Variants in HMCN2 observed in about 807,000 individuals in gnomAD.
HMCN2 encodes hemicentin 2.
HMCN2 carries 325 observed loss-of-function variants against 377.5 expected under a neutral mutation model. That is an observed-to-expected ratio of 0.86 (90% CI 0.79 to 0.94). The LOEUF is 0.94. Among genes scored for constraint, HMCN2 ranks in the 40% least tolerant of loss-of-function variants. The pLI is 0.00. For synonymous variants in HMCN2, 2,007 were observed against 2,046.8 expected (o/e 0.98, Z 0.53); for missense variants, 4,543 against 4,725.3 (o/e 0.96, Z 1.13).
At chr9:130,328,111 G>A (rs1218469298) in intron 22 of HMCN2, among the ~76,000 whole-genome samples, 2 of 152,196 alleles carry the variant, frequency 1.3e-5, no homozygotes, top group African/African-American at 2.4e-5. Context: ...AGACTCAGAA[G>A]GTCTCGGAGC....
chr9:130,425,045 T>A lies in HMCN2; in HGVS notation c.13556T>A (p.Leu4519Gln), dbSNP rs1438684140. 3 of 1,549,742 alleles carry A rather than the reference T, an allele frequency of 1.9e-6. No individual in the cohort carries two copies. The highest frequency in any genetic ancestry group is 2.6e-6 in the Non-Finnish European group (3 of 1,146,582). The change falls in exon 89 of 98, where the codon CTG becomes CAG. Residue 4519 changes from leucine (L) to glutamine (Q), a missense_variant. Leu to Gln is a moderately radical substitution (Grantham distance 113). This residue lies in a region of HMCN2 where 1,155 missense variants were observed against 1,157.7 expected (regional missense o/e 1.00). Transcript: ENST00000683500. ...ACGATGACCCAGGTGGCCCGGGGTC[T>A]GGATCCCGATGGCCTCCTGCTCCTC... Reference protein sequence around the residue: ...LLTMTQVARGLDPDGLLLLDV... With the variant: ...LLTMTQVARGQDPDGLLLLDV...
rs1362749542 is a variant in HMCN2 at position 130,325,860 on chromosome 9, AG to A, written c.3086del (p.Gly1029AlafsTer43). On this transcript the variant is annotated frameshift_variant, in exon 21 of 98. Transcript: ENST00000683500. LOFTEE classifies it high-confidence loss of function. ...SRGPHYNVSK[E>X]GTLLIAQPSA... ...GGTCCCCACTACAATGTGAGTAAGG[AG>A]GGCACCCTGCTCATCGCCCAGCCGT... 6.6e-6 allele frequency: 1 copy of A among 152,298 alleles called. No individual in the cohort carries two copies. The highest frequency in any genetic ancestry group is 2.4e-5 in the African/African-American group (1 of 41,472). The allele number at this position is 152,298 out of a possible 1,614,324, so 9.4% of individuals were successfully genotyped here.
rs61742704 is a variant in HMCN2, at chr9:130,406,133, G to A, written c.12518G>A (p.Arg4173His). ...RCAARGSPTP[R>H]IGWTVNDRPV... ...GCAGCCCGGGGCAGCCCCACCCCTC[G>A]CATTGGCTGGACTGTCAACGACCGG... The change falls in exon 82 of 98, where the codon CGC becomes CAC. Residue 4173 changes from arginine (R) to histidine (H), a missense_variant. Transcript: ENST00000683500. The A allele has an allele frequency of 1.1e-3, 1,423 of 1,289,834 alleles. 7 individuals carry two copies. In the African/African-American group the frequency reaches 0.019, roughly 18 times the overall value. The allele number at this position is 1,289,834 out of a possible 1,614,324, so 79.9% of individuals were successfully genotyped here. A position where few individuals can be genotyped will look rare whatever the true frequency, so the allele number is the denominator to read the frequency against.
chr9:130,383,601 G>A lies in HMCN2; in HGVS notation c.8830+1G>A, dbSNP rs540238309. 1.6e-4 allele frequency: 158 copies of A among 985,888 alleles called. No homozygotes were observed. The highest frequency in any genetic ancestry group is 1.8e-4 in the Non-Finnish European group (149 of 829,972). The allele number at this position is 985,888 out of a possible 1,614,324, so 61.1% of individuals were successfully genotyped here. On this transcript the variant is annotated splice_donor_variant, in intron 57 of 97. Transcript: ENST00000683500. LOFTEE classifies it high-confidence loss of function. ...AAGCTCTTCACCCTCAGGGTTCAAGGTGAGCTGGGCTGAGCAGGCAGCCCC... is the reference window on the plus strand; with the variant it reads ...AAGCTCTTCACCCTCAGGGTTCAAGATGAGCTGGGCTGAGCAGGCAGCCCC...
At chr9:130,315,774 G>T (rs1588230300) in intron 15 of HMCN2, among the ~76,000 whole-genome samples, 3 of 152,132 alleles carry the variant, frequency 2.0e-5, no homozygotes, top group Admixed American at 2.0e-4. Context: ...TTCCTGGCTG[G>T]CAGCCTCTGC....
At chr9:130,339,744 C>G (rs989982550) in intron 23 of HMCN2, among the ~76,000 whole-genome samples, 3 of 152,360 alleles carry the variant, frequency 2.0e-5, no homozygotes, top group East Asian at 1.9e-4. Flanking sequence ...CATCCACGCT[C>G]TCTGTGCTCC....
At chr9:130,333,024 TG>T (rs1352385836) in intron 22 of HMCN2, among the ~76,000 whole-genome samples, 1 of 145,440 alleles carries the variant, frequency 6.9e-6, no homozygotes, top group African/African-American at 2.6e-5. Flanking sequence ...GTGGAAGGTC[TG>T]GGGGGAGGGA....
chr9:130,395,859 C>T, intron 71 of HMCN2, 65 bp from the exon 72 acceptor site: 2 of 1,234,500 alleles, frequency 1.6e-6, no homozygotes, highest in Non-Finnish European at 2.1e-6. Flanking sequence ...TCCACATCTG[C>T]TGCCGGGTGG....
At chr9:130,383,684 C>A in intron 57 of HMCN2, 84 bp downstream of exon 57, 1 of 562,134 alleles carries the variant, frequency 1.8e-6, no homozygotes, top group Non-Finnish European at 2.3e-6. Context: ...GTATCCTGGG[C>A]TCTGGGTCCT....
intron 15 of HMCN2, 106 bp from the exon 16 acceptor site, chr9:130,319,389 T>C (rs1837729250): frequency 1.3e-5 from 2 of 152,230 alleles, no homozygotes; most frequent in Non-Finnish European, 2.9e-5. Context: ...AGCCCTAGGT[T>C]CACAAGGGCA....
Position 130,418,940 on chromosome 9 carries a change from T to C in HMCN2, c.13130T>C (p.Leu4377Pro). 1 of 1,541,536 alleles carries C rather than the reference T, an allele frequency of 6.5e-7. No homozygotes were observed. The highest frequency in any genetic ancestry group is 8.8e-7 in the Non-Finnish European group (1 of 1,142,256). The change falls in exon 86 of 98, where the codon CTG becomes CCG. Residue 4377 changes from leucine to proline, a missense_variant. Leu to Pro is a moderately conservative substitution (Grantham distance 98, BLOSUM62 -3). Transcript: ENST00000683500. ...RRLRTLPDGS[L>P]WLENVETGDA... Reference sequence around the variant, plus strand: ...CTCCGGACCCTGCCCGATGGGAGCCTGTGGCTGGAGAACGTGGAGACTGGG... The same window carrying C: ...CTCCGGACCCTGCCCGATGGGAGCCCGTGGCTGGAGAACGTGGAGACTGGG...
chr9:130,353,306 A>G, intron 31 of HMCN2, 101 bp downstream of exon 31: 6 of 1,091,778 alleles, frequency 5.5e-6, no homozygotes, highest in Non-Finnish European at 7.3e-6. Context: ...GGCCACTTGG[A>G]GTGGTCAGAG....
intron 4 of HMCN2, among the ~76,000 whole-genome samples, chr9:130,291,024 A>G (rs746716952): frequency 5.9e-5 from 9 of 152,148 alleles, no homozygotes; most frequent in Non-Finnish European, 1.3e-4. Flanking sequence ...TTTAAAACCC[A>G]TATTCATGGC....
chr9:130,359,788 G>C (rs933319613), intron 37 of HMCN2, among the ~76,000 whole-genome samples: 3 of 152,174 alleles, frequency 2.0e-5, no homozygotes, highest in Non-Finnish European at 2.9e-5. Context: ...TTGCATAGGG[G>C]ACTGGGTGAG....
At position 130,356,176 on chromosome 9, in the gene HMCN2, C is replaced by T; in HGVS notation, c.5344C>T (p.Leu1782=). ...CACACTGCACATTGACCATGTGGAG[C>T]TGGACCACTCAGGCCTCTTCGCCTG... The part of the protein sequence containing the change: ...GTTLHIDHVE[L]DHSGLFACQA... The change falls in exon 34 of 98, where the codon CTG becomes TTG. Residue 1782 remains leucine, a synonymous_variant. Coordinates refer to ENST00000683500, the MANE Select transcript of HMCN2 (RefSeq NM_001291815.2). 7.7e-7 allele frequency: 1 copy of T among 1,303,160 alleles called. No individual in the cohort carries two copies. Among genetic ancestry groups the T allele is most frequent in the African/African-American group, 1.5e-5 (1 of 65,946 alleles). The allele number at this position is 1,303,160 out of a possible 1,614,324, so 80.7% of individuals were successfully genotyped here.
At chr9:130,392,140 C>G in intron 66 of HMCN2, 22 bp downstream of exon 66, 1 of 987,992 alleles carries the variant, frequency 1.0e-6, no homozygotes, top group Non-Finnish European at 1.2e-6. Context: ...GGTGGACAGG[C>G]CTTGGCTATT....
rs1482956674 is a variant in HMCN2, at chr9:130,357,836, T to C, written c.5428T>C (p.Phe1810Leu). The change falls in exon 35 of 98, where the codon TTC becomes CTC. Residue 1810 changes from phenylalanine to leucine, a missense_variant and splice_region_variant. Coordinates refer to ENST00000683500, the MANE Select transcript of HMCN2 (RefSeq NM_001291815.2). ...TTCCTGACTCTTTCCCTTCCCAGAG[T>C]TCCCATCGGTCAGTATCATTGGGGG... ...GAEVEVSVHE[F>L]PSVSIIGGEN... 2.3e-6 allele frequency: 3 copies of C among 1,302,114 alleles called. No individual in the cohort carries two copies. Among genetic ancestry groups the C allele is most frequent in the Non-Finnish European group, 2.0e-6 (2 of 987,656 alleles). 80.7% of individuals were successfully genotyped at this position (1,302,114 alleles called of 1,614,324 possible). A position where few individuals can be genotyped will look rare whatever the true frequency, so the allele number is the denominator to read the frequency against.
chr9:130,309,915 G>A lies in HMCN2; in HGVS notation c.2204G>A (p.Gly735Asp). The change falls in exon 15 of 98, where the codon GGT becomes GAT. Residue 735 changes from glycine (G) to aspartate (D), a missense_variant. Physicochemically the swap from Gly to Asp is moderately conservative, Grantham distance 94 (BLOSUM62 -1). Around this residue, in one of 5 missense-constraint regions of HMCN2, gnomAD observed 547 missense variants for 189.9 expected, o/e 2.88. Coordinates refer to ENST00000683500, the MANE Select transcript of HMCN2 (RefSeq NM_001291815.2). The part of the protein sequence containing the change: ...PPPRVIWYRG[G>D]LEMILAPEGS... ...TGCTTCTTCCTCTTTGGTCCAGGGG[G>A]TCTTGAAATGATCCTGGCCCCTGAG... The A allele has an allele frequency of 4.0e-6, 2 of 501,704 alleles. No individual in the cohort carries two copies. Among genetic ancestry groups the A allele is most frequent in the East Asian group, 6.0e-5 (1 of 16,628 alleles). 31.1% of individuals were successfully genotyped at this position (501,704 alleles called of 1,614,324 possible). A position where few individuals can be genotyped will look rare whatever the true frequency, so the allele number is the denominator to read the frequency against.
chr9:130,317,077 A>G (rs1794825261), intron 15 of HMCN2, among the ~76,000 whole-genome samples: 1 of 151,826 alleles, frequency 6.6e-6, no homozygotes, highest in African/African-American at 2.4e-5. Flanking sequence ...GCTCTCTTGC[A>G]AGAAGATGGA....
Sources: gnomAD v4.1 joint callset for allele counts (sites outside exome capture counted in the v4.1 genomes callset) on GRCh38, gnomAD v4.1.1 for gene constraint, gnomAD v4.1.1 regional missense constraint, MANE v1.5 for transcripts, NCBI Gene and HGNC (gene_info 2026-07-23, HGNC 2026-07-21) for gene names.